The following PTPRD variants were observed in gnomAD, a reference collection of about 807,000 sequenced individuals.
PTPRD encodes protein tyrosine phosphatase receptor type D, also known as receptor-type tyrosine-protein phosphatase delta.
PTPRD carries 34 observed loss-of-function variants against 214.5 expected under a neutral mutation model. The ratio of observed to expected loss-of-function variants is 0.16; its 90% confidence interval spans 0.12 to 0.21. PTPRD has a LOEUF of 0.21. Among genes scored for constraint, PTPRD ranks in the 10% least tolerant of loss-of-function variants. The pLI is 1.00. For synonymous variants in PTPRD, 1,128 were observed against 845.7 expected (o/e 1.33, Z -5.79); for missense variants, 2,545 against 2,398.7 (o/e 1.06, Z -1.27).
intron 32 of PTPRD, 72 bp downstream of exon 32, chr9:8,465,394 C>T (rs2134453750): frequency 1.4e-6 from 2 of 1,411,856 alleles, no homozygotes; most frequent in East Asian, 2.3e-5. Context: ...CCCACAAATC[C>T]CCAAATAACC....
intron 3 of PTPRD, among the ~76,000 whole-genome samples, chr9:10,212,545 T>A (rs936951139): frequency 2.6e-5 from 4 of 152,128 alleles, no homozygotes; most frequent in Non-Finnish European, 5.9e-5. Context: ...ATAATAAGAA[T>A]GACATCCTAT....
At chr9:9,189,263 C>G (rs76249775) in intron 9 of PTPRD, among the ~76,000 whole-genome samples, 3,195 of 152,070 alleles carry the variant, frequency 0.021, 123 homozygotes, top group African/African-American at 0.074. Context: ...TGAAAGAGAT[C>G]TTGAACAACA....
chr9:10,247,727 T>G (rs771030726), intron 3 of PTPRD, among the ~76,000 whole-genome samples: 3 of 152,138 alleles, frequency 2.0e-5, no homozygotes, highest in Non-Finnish European at 4.4e-5. Flanking sequence ...CTGACTTCCC[T>G]GGGAGCCAGA....
intron 7 of PTPRD, among the ~76,000 whole-genome samples, chr9:9,617,830 T>TG (rs2094975332): frequency 6.6e-6 from 1 of 151,648 alleles, no homozygotes. Flanking sequence ...CCCAGCACTT[T>TG]GGGAGGCAGA....
chr9:8,560,421 C>A (rs2085714148), intron 14 of PTPRD, among the ~76,000 whole-genome samples: 1 of 143,970 alleles, frequency 6.9e-6, no homozygotes, highest in African/African-American at 2.7e-5. Flanking sequence ...TGATCAGTAC[C>A]AACTTAAAAA....
At chr9:8,701,689 T>G (rs561253910) in intron 12 of PTPRD, 42 of 152,334 alleles carry the variant, frequency 2.8e-4, no homozygotes, top group African/African-American at 9.9e-4. Context: ...TGCTACATAC[T>G]GCTCTTCCTT....
intron 11 of PTPRD, among the ~76,000 whole-genome samples, chr9:8,818,322 G>C (rs1270419829): frequency 6.6e-6 from 1 of 152,096 alleles, no homozygotes; most frequent in African/African-American, 2.4e-5. Context: ...TCTCTCTACA[G>C]TTTTAGCGGA....
intron 5 of PTPRD, among the ~76,000 whole-genome samples, chr9:9,881,868 T>A (rs1187722893): frequency 6.6e-6 from 1 of 152,094 alleles, no homozygotes; most frequent in African/African-American, 2.4e-5. Context: ...CCTCTACATT[T>A]ACCACAAGAA....
At chr9:10,193,722 G>A (rs1441338741) in intron 3 of PTPRD, among the ~76,000 whole-genome samples, 2 of 152,048 alleles carry the variant, frequency 1.3e-5, no homozygotes, top group Non-Finnish European at 2.9e-5. Flanking sequence ...CCTATTTTGG[G>A]TAACACGTAT....
At chr9:9,570,709 G>C (rs2086107029) in intron 8 of PTPRD, among the ~76,000 whole-genome samples, 1 of 151,300 alleles carries the variant, frequency 6.6e-6, no homozygotes, top group Non-Finnish European at 1.5e-5. Context: ...TTTAGAAAAA[G>C]TGAAAAACAT....
intron 8 of PTPRD, among the ~76,000 whole-genome samples, chr9:9,543,507 A>C: frequency 6.6e-6 from 1 of 151,694 alleles, no homozygotes; most frequent in African/African-American, 2.4e-5. Context: ...AGATTAGGTA[A>C]ATTTCAAAAT....
intron 2 of PTPRD, among the ~76,000 whole-genome samples, chr9:10,419,140 TA>T (rs1165695978): frequency 4.0e-5 from 6 of 151,810 alleles, no homozygotes; most frequent in African/African-American, 1.4e-4. Context: ...TTCATAGCAA[TA>T]AAAAAACCAC....
At chr9:8,518,555 T>C in intron 20 of PTPRD, 126 bp from the exon 21 acceptor site, 4 of 698,556 alleles carry the variant, frequency 5.7e-6, no homozygotes, top group Non-Finnish European at 9.0e-6. Context: ...AATGAAATTA[T>C]AGCAAAGAGT....
intron 8 of PTPRD, among the ~76,000 whole-genome samples, chr9:9,408,623 G>A (rs762401572): frequency 5.3e-5 from 8 of 151,784 alleles, no homozygotes; most frequent in Non-Finnish European, 1.0e-4. Context: ...TAAGGAACCC[G>A]ACATTACATT....
intron 11 of PTPRD, among the ~76,000 whole-genome samples, chr9:8,951,805 G>T (rs1286442815): frequency 6.6e-6 from 1 of 151,930 alleles, no homozygotes; most frequent in Admixed American, 6.6e-5. Flanking sequence ...GAATCATTTT[G>T]TTTCTCTAAT....
At chr9:9,208,617 T>G (rs775202576) in intron 9 of PTPRD, among the ~76,000 whole-genome samples, 1 of 152,048 alleles carries the variant, frequency 6.6e-6, no homozygotes, top group Non-Finnish European at 1.5e-5. Flanking sequence ...ACATACCAAG[T>G]GTTTTTCCTA....
intron 11 of PTPRD, among the ~76,000 whole-genome samples, chr9:8,917,024 G>T (rs907000337): frequency 6.7e-6 from 1 of 148,746 alleles, no homozygotes; most frequent in Non-Finnish European, 1.5e-5. Context: ...TTTTCTCTCT[G>T]CACAAAGACT....
chr9:8,481,033 G>A (rs746178976), intron 30 of PTPRD, among the ~76,000 whole-genome samples: 6 of 150,982 alleles, frequency 4.0e-5, no homozygotes, highest in Middle Eastern at 3.4e-3. Context: ...ACAGCCGCTC[G>A]AGAGGCTGAG....
chr9:9,691,478 T>C (rs187776442), intron 7 of PTPRD, among the ~76,000 whole-genome samples: 1 of 152,202 alleles, frequency 6.6e-6, no homozygotes, highest in African/African-American at 2.4e-5. Flanking sequence ...ATTCTTTTTA[T>C]GGCTGAATAG....
Sources: allele counts gnomAD v4.1 joint callset (sites outside exome capture counted in the v4.1 genomes callset), GRCh38; gene constraint gnomAD v4.1.1; transcripts MANE v1.5; gene names NCBI Gene and HGNC (gene_info 2026-07-23, HGNC 2026-07-21).